Variants in KRT73 observed in about 807,000 individuals in gnomAD.
KRT73 encodes keratin, type II cytoskeletal 73.
KRT73 carries 44 observed loss-of-function variants against 47.2 expected under a neutral mutation model. That is an observed-to-expected ratio of 0.93 (90% confidence interval 0.73 to 1.20). The LOEUF (loss-of-function observed/expected upper bound fraction) is 1.20, where lower values mean the gene tolerates loss of function less well. KRT73 is among the 50% of genes most tolerant of loss of function. The pLI, the probability that KRT73 is intolerant of heterozygous loss-of-function variation, is 0.00. For synonymous variants in KRT73, 285 were observed against 291.3 expected, an observed-to-expected ratio of 0.98 and a Z score of 0.22; for missense variants, 713 against 704.5, an observed-to-expected ratio of 1.01 and a Z score of -0.14.
At chr12:52,615,029 TG>T (rs1220929072) in intron 3 of KRT73, 9 of 540,528 alleles carry the variant, frequency 1.7e-5, no homozygotes, top group Non-Finnish European at 2.3e-5. Flanking sequence ...AAGCCTGTCC[TG>T]TTCCCCAGCC....
chr12:52,626,988 C>T, the KRT73 span, among the ~76,000 whole-genome samples: 1 of 152,200 alleles, frequency 6.6e-6, no homozygotes, highest in African/African-American at 2.4e-5. Flanking sequence ...GCAAGCTCCA[C>T]CAGACTGCAG....
intron 8 of KRT73, 134 bp downstream of exon 8, chr12:52,609,113 G>C: frequency 2.6e-6 from 2 of 776,762 alleles, no homozygotes; most frequent in East Asian, 2.5e-5. Context: ...GTCTCAGCAA[G>C]GAAGGTGAGT....
chr12:52,621,931 G>C (rs570074018), upstream of KRT73, among the ~76,000 whole-genome samples: 1 of 152,238 alleles, frequency 6.6e-6, no homozygotes, highest in Non-Finnish European at 1.5e-5. Flanking sequence ...AGACCATGTG[G>C]GGAGCCCAGA....
chr12:52,615,411 A>C (rs1940796347), intron 2 of KRT73, 72 bp from the exon 3 acceptor site: 1 of 1,236,726 alleles, frequency 8.1e-7, no homozygotes, highest in South Asian at 1.3e-5. Context: ...TAGTGAAATG[A>C]GAAAAGAGAT....
intron 5 of KRT73, 182 bp from the exon 6 acceptor site, chr12:52,611,511 A>C: frequency 1.6e-6 from 1 of 644,954 alleles, no homozygotes; most frequent in Non-Finnish European, 2.6e-6. Context: ...TGCCTTAAGC[A>C]CAGCTGATCT....
chr12:52,630,287 G>A, the KRT73 span, among the ~76,000 whole-genome samples: 1 of 152,212 alleles, frequency 6.6e-6, no homozygotes, highest in Non-Finnish European at 1.5e-5. Flanking sequence ...AGTGCAGTGA[G>A]GACCCTTGCC....
At chr12:52,621,290 AG>A (rs11302494), upstream of KRT73, among the ~76,000 whole-genome samples, 52,221 of 105,134 alleles carry the variant, frequency 0.5, 11,825 homozygotes, top group African/African-American at 0.57. Flanking sequence ...AGAGAAAGAA[AG>A]GGGGGGGGGG....
chr12:52,610,910 T>C (rs9739031), intron 6 of KRT73, 75 bp from the exon 7 acceptor site: 187,338 of 1,286,680 alleles, frequency 0.15, 17,202 homozygotes, highest in East Asian at 0.52. Context: ...CTCTCAATGG[T>C]TGAGCCCTCC....
chr12:52,628,431 G>A, the KRT73 span, among the ~76,000 whole-genome samples: 10 of 152,194 alleles, frequency 6.6e-5, no homozygotes, highest in Admixed American at 1.3e-4. Context: ...CAGGGTCTAC[G>A]AATCCGTGGA....
upstream of KRT73, among the ~76,000 whole-genome samples, chr12:52,621,865 C>T (rs1441824494): frequency 1.3e-5 from 2 of 152,186 alleles, no homozygotes; most frequent in East Asian, 1.9e-4. Context: ...AGAAAGAAGC[C>T]GGGATTCCAT....
rs753124673 is a variant in KRT73, at chr12:52,611,337, A to G, written c.985-8T>C. The G allele has an allele frequency of 4.0e-5, 64 of 1,613,786 alleles. No homozygotes were observed. Among genetic ancestry groups the G allele is most frequent in the Non-Finnish European group, 4.9e-5 (58 of 1,179,956 alleles). On this transcript the variant is annotated splice_region_variant and splice_polypyrimidine_tract_variant and intron_variant, in intron 5 of 8. Coordinates refer to ENST00000305748, the MANE Select transcript of KRT73 (RefSeq NM_175068.3). ...TAGCTGCAGCTCCTGGAACTAGAGGAAAAGGAACCAAAGCAAGAACACTGA... is the reference window on the plus strand; with the variant it reads ...TAGCTGCAGCTCCTGGAACTAGAGGGAAAGGAACCAAAGCAAGAACACTGA...
rs1940621132 is a variant in KRT73 at position 52,608,135 on chromosome 12, A to C, written c.*61T>G. 4.6e-6 allele frequency: 7 copies of C among 1,522,514 alleles called. No homozygotes were observed. The Middle Eastern group carries it at 1.1e-3, about 230-fold the overall frequency. 94.3% of individuals were successfully genotyped at this position (1,522,514 alleles called of 1,614,324 possible). A position where few individuals can be genotyped will look rare whatever the true frequency, so the allele number is the denominator to read the frequency against. ...AAATGAGACAGAGGAATTTCCTAGA[A>C]GAGTCCGGAGCAGTCTGCCAGGGCA... On this transcript the variant is annotated 3_prime_UTR_variant, in exon 9 of 9. Transcript: ENST00000305748.
chr12:52,622,031 T>C (rs1940915462), upstream of KRT73, among the ~76,000 whole-genome samples: 1 of 152,156 alleles, frequency 6.6e-6, no homozygotes. Flanking sequence ...AAACAGAAGA[T>C]TTAAACAATA....
At chr12:52,629,644 C>T in the KRT73 span, among the ~76,000 whole-genome samples, 2 of 152,214 alleles carry the variant, frequency 1.3e-5, no homozygotes, top group African/African-American at 4.8e-5. Flanking sequence ...TCCACCCCCA[C>T]CTATGTAGAG....
the KRT73 span, among the ~76,000 whole-genome samples, chr12:52,626,623 A>T: frequency 1.3e-5 from 2 of 152,074 alleles, no homozygotes; most frequent in Non-Finnish European, 2.9e-5. Flanking sequence ...GTGGCTGGCC[A>T]TGTGCTCATC....
At chr12:52,612,777 G>A (rs1940728960) in intron 5 of KRT73, 2 of 152,224 alleles carry the variant, frequency 1.3e-5, no homozygotes, top group African/African-American at 4.8e-5. Context: ...GGAATTTGAA[G>A]TCAGTCACCT....
At chr12:52,622,529 T>C (rs1284898737), upstream of KRT73, among the ~76,000 whole-genome samples, 1 of 152,140 alleles carries the variant, frequency 6.6e-6, no homozygotes, top group Non-Finnish European at 1.5e-5. Context: ...TGGAGGGCAG[T>C]GGTGAAGAGA....
intron 4 of KRT73, chr12:52,614,059 G>A: frequency 1.6e-6 from 1 of 618,042 alleles, no homozygotes; most frequent in Non-Finnish European, 2.6e-6. Flanking sequence ...AGCCCAGGAA[G>A]AAAACAGCCC....
At chr12:52,630,615 A>G in the KRT73 span, among the ~76,000 whole-genome samples, 46,373 of 151,896 alleles carry the variant, frequency 0.31, 7,477 homozygotes, top group African/African-American at 0.4. Flanking sequence ...ATATAGAAAA[A>G]TTGGAAAAAA....
Sources: gnomAD v4.1 joint callset for allele counts (sites outside exome capture counted in the v4.1 genomes callset) on GRCh38, gnomAD v4.1.1 for gene constraint, MANE v1.5 for transcripts, NCBI Gene and HGNC (gene_info 2026-07-23, HGNC 2026-07-21) for gene names.